ANKZF1: variants seen among roughly 807,000 people sequenced by gnomAD.
ANKZF1 encodes the protein tRNA endonuclease ANKZF1.
Under a neutral mutation model 86.0 loss-of-function variants are expected in ANKZF1, and 84 were observed. The observed-to-expected ratio is 0.98, with a 90% CI of 0.82 to 1.17. The LOEUF is 1.17. Ranked by LOEUF, ANKZF1 falls within the 50% of genes most tolerant of loss-of-function variation. ANKZF1 has a pLI of 0.00. For synonymous variants in ANKZF1, 331 were observed against 354.2 expected (o/e 0.93, Z 0.74); for missense variants, 893 against 918.4 (o/e 0.97, Z 0.36).
intron 7 of ANKZF1, 95 bp from the exon 8 acceptor site, chr2:219,233,620 T>C: frequency 6.9e-7 from 1 of 1,443,456 alleles, no homozygotes; most frequent in Non-Finnish European, 9.4e-7. Context: ...ATCCTCTACT[T>C]TCCACCCCTT....
rs1951234086 is a variant in ANKZF1, at chr2:219,236,337, T to G, written c.2073T>G (p.Cys691Trp). Residue 691 changes from cysteine (C) to tryptophan (W), a missense_variant, in exon 14 of 14, where the codon TGT becomes TGG. Physicochemically the swap from Cys to Trp is radical, Grantham distance 215 (BLOSUM62 -2). Coordinates refer to ENST00000323348, the MANE Select transcript of ANKZF1 (RefSeq NM_018089.3). ...AIVNTRRCWS[C>W]GASLQGLTPF... ...TCTTGTTCAGACGCTGCTGGAGTTG[T>G]GGGGCATCCCTCCAAGGCCTGACTC... is the stretch of plus-strand genomic sequence containing the variant. 1.9e-6 allele frequency: 3 copies of G among 1,614,140 alleles called. No homozygotes were observed. The highest frequency in any genetic ancestry group is 2.5e-6 in the Non-Finnish European group (3 of 1,180,030).
chr2:219,233,544 T>C, intron 7 of ANKZF1, 111 bp downstream of exon 7: 2 of 1,435,602 alleles, frequency 1.4e-6, no homozygotes, highest in Non-Finnish European at 1.9e-6. Context: ...CAATTTTCAT[T>C]ATAGGTAGAC....
At chr2:219,233,604 C>T (rs766000916) in intron 7 of ANKZF1, 111 bp from the exon 8 acceptor site, 19 of 1,402,782 alleles carry the variant, frequency 1.4e-5, no homozygotes, top group African/African-American at 2.9e-5. Flanking sequence ...ATTCTTTCTC[C>T]GTGTTATCCT....
chr2:219,236,379 C>G lies in ANKZF1; in HGVS notation c.2115C>G (p.Asp705Glu). Residue 705 changes from aspartate to glutamate, a missense_variant, in exon 14 of 14, where the codon GAC (aspartate) becomes GAG (glutamate). Coordinates refer to ENST00000323348, the MANE Select transcript of ANKZF1 (RefSeq NM_018089.3). ...GCCTGACTCCCTTTCACTACCTCGA[C>G]TTCTCTTTCTGCTCCACACGTTGCC... ...LQGLTPFHYL[D>E]FSFCSTRCLQ... The G allele has an allele frequency of 6.2e-7, 1 of 1,614,120 alleles. No homozygotes were observed.
intron 9 of ANKZF1, 149 bp downstream of exon 9, chr2:219,234,437 C>T: frequency 9.7e-7 from 1 of 1,028,656 alleles, no homozygotes. Flanking sequence ...TGTTTAGTGA[C>T]CTTTCCAAAT....
intron 5 of ANKZF1, 129 bp from the exon 6 acceptor site, chr2:219,232,950 T>C (rs1163228926): frequency 5.1e-6 from 5 of 984,466 alleles, no homozygotes; most frequent in Non-Finnish European, 7.7e-6. Context: ...CAAATTTCCT[T>C]GTTTGTCAAA....
At position 219,232,521 on chromosome 2, in the gene ANKZF1, C is replaced by T. The variant is rs369324100; in HGVS notation, c.396C>T (p.Asp132=). ...GDLSSISGSE[D]SDSASEEDLQ... ...TTTCCAGCATCTCGGGATCAGAAGACTCAGACTCAGCCAGTGAGGAGGACT... is the reference window on the plus strand; with the variant it reads ...TTTCCAGCATCTCGGGATCAGAAGATTCAGACTCAGCCAGTGAGGAGGACT... Residue 132 remains aspartate, a synonymous_variant, in exon 5 of 14, where the codon GAC becomes GAT. Coordinates refer to ENST00000323348, the MANE Select transcript of ANKZF1 (RefSeq NM_018089.3). The T allele has an allele frequency of 3.1e-6, 5 of 1,614,106 alleles. No homozygotes were observed. Among genetic ancestry groups the T allele is most frequent in the African/African-American group, 2.7e-5 (2 of 74,930 alleles).
At chr2:219,236,278 G>A in intron 13 of ANKZF1, 44 bp from the exon 14 acceptor site, 1 of 1,613,004 alleles carries the variant, frequency 6.2e-7, no homozygotes, top group Non-Finnish European at 8.5e-7. Context: ...GGATTGGAAA[G>A]TTTCTGGGGT....
Position 219,236,521 on chromosome 2 carries a change from C to A in ANKZF1, c.*76C>A. The A allele has an allele frequency of 6.7e-7, 1 of 1,497,290 alleles. No homozygotes were observed. Among genetic ancestry groups the A allele is most frequent in the Non-Finnish European group, 8.9e-7 (1 of 1,123,134 alleles). 92.8% of individuals were successfully genotyped at this position (1,497,290 alleles called of 1,614,324 possible). A position where few individuals can be genotyped will look rare whatever the true frequency, so the allele number is the denominator to read the frequency against. On this transcript the variant is annotated 3_prime_UTR_variant, in exon 14 of 14. Coordinates refer to ENST00000323348, the MANE Select transcript of ANKZF1 (RefSeq NM_018089.3). The stretch of plus-strand genomic sequence containing the variant: ...CACAGCAGCCCTAGGTTTTTTCTTC[C>A]CCGTGAAACCAGAGATGATTTGGAA...
rs772022822 is a variant in ANKZF1 at position 219,235,480 on chromosome 2, TC to T, written c.1699del (p.Arg567GlyfsTer40). ...AGADPTVQDS[R>X]ARPPYTVAAD... ...TTGGAGTTTTTGCACCTAGGGACTC[TC>T]GGGCCCGGCCACCTTATACTGTTGC... is the stretch of plus-strand genomic sequence containing the variant. On this transcript the variant is annotated frameshift_variant, in exon 11 of 14. Transcript: ENST00000323348. LOFTEE classifies it high-confidence loss of function. 4 of 1,613,908 alleles carry T rather than the reference TC, an allele frequency of 2.5e-6. No individual in the cohort carries two copies. The highest frequency in any genetic ancestry group is 2.2e-5 in the South Asian group (2 of 91,072).
chr2:219,235,943 G>A, intron 12 of ANKZF1, 67 bp from the exon 13 acceptor site: 1 of 1,613,906 alleles, frequency 6.2e-7, no homozygotes, highest in Non-Finnish European at 8.5e-7. Flanking sequence ...CCAGCGTGCA[G>A]CTGTCACCTC....
In ANKZF1 at chr2:219,233,149, T is replaced by C; in HGVS notation, c.629T>C (p.Leu210Pro). 1.2e-6 allele frequency: 2 copies of C among 1,614,204 alleles called. No homozygotes were observed. The highest frequency in any genetic ancestry group is 1.7e-5 in the Admixed American group (1 of 60,026). The change falls in exon 6 of 14, where the codon CTC becomes CCC. Residue 210 changes from leucine to proline, a missense_variant. By Grantham distance (98) the Leu-to-Pro change is moderately conservative. Transcript: ENST00000323348. ...AGAGGTCCCAGAGACTGCGTGGTGC[T>C]CATGGCTGCAGCTGGGCACTTTGCT... is the stretch of plus-strand genomic sequence containing the variant. The part of the protein sequence containing the change: ...QSRGPRDCVV[L>P]MAAAGHFAGA...
chr2:219,230,571 G>T, intron 2 of ANKZF1, 166 bp downstream of exon 2: 1 of 905,840 alleles, frequency 1.1e-6, no homozygotes, highest in Middle Eastern at 3.5e-4. Context: ...CACAGCCCTT[G>T]TTTTCAAACA....
chr2:219,234,811 C>T lies in ANKZF1; in HGVS notation c.1205-15C>T, dbSNP rs1310334259. 1.3e-6 allele frequency: 2 copies of T among 1,596,802 alleles called. No homozygotes were observed. Among genetic ancestry groups the T allele is most frequent in the East Asian group, 2.2e-5 (1 of 44,654 alleles). On this transcript the variant is annotated splice_polypyrimidine_tract_variant and intron_variant, in intron 9 of 13. Transcript: ENST00000323348. Reference sequence around the variant, plus strand: ...TACTCCCTAGATGGATTTCACATGTCAGGTTTTTCCCTAGGTTCAGGGTCG... The same window carrying T: ...TACTCCCTAGATGGATTTCACATGTTAGGTTTTTCCCTAGGTTCAGGGTCG...
rs1434826311 is a variant in ANKZF1 at position 219,234,285 on chromosome 2, CAG to C, written c.1202_1203del (p.Gln401ArgfsTer28). 4.3e-6 allele frequency: 7 copies of C among 1,613,882 alleles called. No homozygotes were observed. The Admixed American group carries it at 6.7e-5, about 15-fold the overall frequency. ...ALGQNEESPK[Q>X]GSGSEGEDGF... Reference sequence around the variant, plus strand: ...GGGGCAGAATGAGGAATCTCCCAAACAGGGTTTGATTACTATCTGGCAACTGT... The same window carrying C: ...GGGGCAGAATGAGGAATCTCCCAAACGGTTTGATTACTATCTGGCAACTGT... On this transcript the variant is annotated frameshift_variant and splice_region_variant, in exon 9 of 14. Coordinates refer to ENST00000323348, the MANE Select transcript of ANKZF1 (RefSeq NM_018089.3). LOFTEE classifies it high-confidence loss of function.
Position 219,236,074 on chromosome 2 carries a change from A to C in ANKZF1, c.2036A>C (p.Asp679Ala). ...QLGAPTSPIP[D>A]SAIVNTRRCW... ...GGAGCCCCTACCTCTCCAATCCCTGACTCTGCAATCGTCAATACTCGGTAT... is the reference window on the plus strand; with the variant it reads ...GGAGCCCCTACCTCTCCAATCCCTGCCTCTGCAATCGTCAATACTCGGTAT... Residue 679 changes from aspartate to alanine, a missense_variant, in exon 13 of 14, where the codon GAC (aspartate) becomes GCC (alanine). By Grantham distance (126) the Asp-to-Ala change is moderately radical. Coordinates refer to ENST00000323348, the MANE Select transcript of ANKZF1 (RefSeq NM_018089.3). 2 of 1,613,976 alleles carry C rather than the reference A, an allele frequency of 1.2e-6. No individual in the cohort carries two copies. Among genetic ancestry groups the C allele is most frequent in the Non-Finnish European group, 1.7e-6 (2 of 1,180,012 alleles).
chr2:219,230,262 C>G lies in ANKZF1; in HGVS notation c.5C>G (p.Ser2Trp). 1.2e-6 allele frequency: 2 copies of G among 1,612,956 alleles called. No individual in the cohort carries two copies. Among genetic ancestry groups the G allele is most frequent in the South Asian group, 2.2e-5 (2 of 90,940 alleles). Residue 2 changes from serine (S) to tryptophan (W), a missense_variant, in exon 2 of 14, where the codon TCG becomes TGG. By Grantham distance (177) the Ser-to-Trp change is radical. Transcript: ENST00000323348. M[S>W]PAPDAAPAPA... ...CTAAATAATTTCTGCTCAGCCATGTCGCCGGCTCCAGATGCAGCCCCGGCT... is the reference window on the plus strand; with the variant it reads ...CTAAATAATTTCTGCTCAGCCATGTGGCCGGCTCCAGATGCAGCCCCGGCT...
Position 219,235,761 on chromosome 2 carries a change from G to T in ANKZF1, c.1857G>T (p.Arg619Ser). 1 of 1,614,186 alleles carries T rather than the reference G, an allele frequency of 6.2e-7. No individual in the cohort carries two copies. The highest frequency in any genetic ancestry group is 8.5e-7 in the Non-Finnish European group (1 of 1,180,034). ...EMEARQATRK[R>S]EQKAARRQRE... ...AGGCACGGCAGGCTACACGGAAAAGGGAGCAGAAGGCAGCCCGGCGGCAAC... is the reference window on the plus strand; with the variant it reads ...AGGCACGGCAGGCTACACGGAAAAGTGAGCAGAAGGCAGCCCGGCGGCAAC... The change falls in exon 12 of 14, where the codon AGG (arginine) becomes AGT (serine). Residue 619 changes from arginine (R) to serine (S), a missense_variant. Transcript: ENST00000323348.
chr2:219,234,421 GA>G, intron 9 of ANKZF1, 133 bp downstream of exon 9: 1 of 1,147,586 alleles, frequency 8.7e-7, no homozygotes, highest in Non-Finnish European at 1.3e-6. Context: ...AGCAATTACT[GA>G]GACATGTTTA....
Sources: allele counts gnomAD v4.1 joint callset, GRCh38; gene constraint gnomAD v4.1.1; transcripts MANE v1.5; gene names NCBI Gene and HGNC (gene_info 2026-07-23, HGNC 2026-07-21).